The following UNC5C variants were observed in gnomAD, a reference collection of about 807,000 sequenced individuals.
UNC5C encodes netrin receptor UNC5C.
In UNC5C, 47 loss-of-function variants were observed where a neutral mutation model predicts 99.8. That is an observed-to-expected ratio of 0.47 (90% CI 0.37 to 0.60). The LOEUF (loss-of-function observed/expected upper bound fraction) is 0.60, where lower values mean the gene tolerates loss of function less well. Ranked by LOEUF, UNC5C falls within the 20% of genes least tolerant of loss-of-function variation. The probability of loss-of-function intolerance (pLI) is 0.00; values close to 1 mark genes in which losing one functional copy is unlikely to be tolerated. For missense variants in UNC5C, 1,062 were observed against 1,165.9 expected (o/e 0.91, Z 1.30); for synonymous variants, 487 against 452.2 (o/e 1.08, Z -0.98).
At chr4:95,278,470 C>T in intron 3 of UNC5C, 108 bp from the exon 4 acceptor site, 1 of 818,536 alleles carries the variant, frequency 1.2e-6, no homozygotes, top group Non-Finnish European at 1.9e-6. Flanking sequence ...GCTTTTTTTT[C>T]TTTCTTTTTT....
chr4:95,267,018 T>C (rs1017438009), intron 4 of UNC5C, among the ~76,000 whole-genome samples: 23 of 152,142 alleles, frequency 1.5e-4, no homozygotes, highest in Non-Finnish European at 1.5e-5. Context: ...GTATTTAGAG[T>C]GTATATAATG....
chr4:95,270,820 G>C (rs758304247), intron 4 of UNC5C, among the ~76,000 whole-genome samples: 3 of 152,316 alleles, frequency 2.0e-5, no homozygotes, highest in Non-Finnish European at 4.4e-5. Flanking sequence ...AACTTTTACA[G>C]GGCAAAAGGG....
At chr4:95,516,672 C>G (rs1440118584) in intron 1 of UNC5C, among the ~76,000 whole-genome samples, 1 of 152,118 alleles carries the variant, frequency 6.6e-6, no homozygotes, top group African/African-American at 2.4e-5. Context: ...CGAAGCTTTC[C>G]CAAGTCCTGC....
intron 7 of UNC5C, among the ~76,000 whole-genome samples, chr4:95,238,606 A>G (rs1739212963): frequency 6.6e-6 from 1 of 152,190 alleles, no homozygotes; most frequent in Admixed American, 6.5e-5. Context: ...AAGGTTTATG[A>G]GTAATAAATC....
chr4:95,493,329 A>G (rs1184777592), intron 1 of UNC5C, among the ~76,000 whole-genome samples: 2 of 151,372 alleles, frequency 1.3e-5, no homozygotes, highest in Non-Finnish European at 3.0e-5. Flanking sequence ...CTCTTTGGAA[A>G]ACTGGGAGCA....
intron 1 of UNC5C, among the ~76,000 whole-genome samples, chr4:95,452,275 A>G (rs1167427007): frequency 6.6e-6 from 1 of 152,078 alleles, no homozygotes; most frequent in Non-Finnish European, 1.5e-5. Context: ...AATCCCACAT[A>G]CTTCATTTTC....
At chr4:95,477,356 T>A (rs1025915221) in intron 1 of UNC5C, among the ~76,000 whole-genome samples, 3 of 151,986 alleles carry the variant, frequency 2.0e-5, no homozygotes, top group African/African-American at 7.2e-5. Flanking sequence ...ACTGAAGAGA[T>A]TTCTGATTTC....
At chr4:95,190,723 G>A (rs1407149525) in intron 12 of UNC5C, among the ~76,000 whole-genome samples, 1 of 152,108 alleles carries the variant, frequency 6.6e-6, no homozygotes, top group Non-Finnish European at 1.5e-5. Flanking sequence ...ATCTACACAC[G>A]CGAACCATCA....
chr4:95,543,317 A>G (rs1049941759), intron 1 of UNC5C, among the ~76,000 whole-genome samples: 74 of 152,190 alleles, frequency 4.9e-4, no homozygotes, highest in African/African-American at 1.7e-3. Context: ...CTCTTATTTT[A>G]TCTCAAAAGT....
intron 12 of UNC5C, among the ~76,000 whole-genome samples, chr4:95,192,938 T>C (rs755644169): frequency 1.5e-4 from 23 of 152,334 alleles, no homozygotes; most frequent in Middle Eastern, 6.8e-3. Context: ...TCCAACTACT[T>C]TTCTGTCTTT....
At chr4:95,434,724 C>G (rs551585026) in intron 1 of UNC5C, among the ~76,000 whole-genome samples, 2 of 152,142 alleles carry the variant, frequency 1.3e-5, no homozygotes, top group African/African-American at 4.8e-5. Context: ...AAAGCCATGA[C>G]TATATTATCT....
At chr4:95,479,139 C>T (rs529710619) in intron 1 of UNC5C, among the ~76,000 whole-genome samples, 16 of 152,136 alleles carry the variant, frequency 1.1e-4, no homozygotes, top group South Asian at 6.2e-4. Flanking sequence ...CAGACTAACA[C>T]AAGCATCTAC....
intron 14 of UNC5C, among the ~76,000 whole-genome samples, chr4:95,174,132 T>G (rs1037137829): frequency 6.6e-6 from 1 of 151,318 alleles, no homozygotes; most frequent in African/African-American, 2.4e-5. Flanking sequence ...TCTTCTCTCT[T>G]TTTTTCTTTA....
intron 1 of UNC5C, among the ~76,000 whole-genome samples, chr4:95,402,163 T>C (rs578224933): frequency 2.0e-5 from 3 of 152,256 alleles, no homozygotes; most frequent in Non-Finnish European, 4.4e-5. Flanking sequence ...TCTACCTACT[T>C]GTAATTTTTT....
In UNC5C at chr4:95,206,682, A is replaced by G. The variant is rs775203819; in HGVS notation, c.1848T>C (p.Asn616=). 11 of 1,613,826 alleles carry G rather than the reference A, an allele frequency of 6.8e-6. No individual in the cohort carries two copies. In the South Asian group the frequency reaches 8.8e-5, roughly 13 times the overall value. The change falls in exon 11 of 16, where the codon AAT becomes AAC. Residue 616 remains asparagine, a synonymous_variant. Coordinates refer to ENST00000453304, the MANE Select transcript of UNC5C (RefSeq NM_003728.4). ...VLTMHHCADP[N]TEDWKILLKN... is the part of the protein sequence containing the mutation. Reference sequence around the variant, plus strand: ...TGAGCAGTATTTTCCAGTCCTCGGTATTGGGGTCTGCGCAGTGATGCATAG... The same window carrying G: ...TGAGCAGTATTTTCCAGTCCTCGGTGTTGGGGTCTGCGCAGTGATGCATAG...
chr4:95,364,404 G>T (rs1292559062), intron 1 of UNC5C, among the ~76,000 whole-genome samples: 1 of 152,152 alleles, frequency 6.6e-6, no homozygotes, highest in African/African-American at 2.4e-5. Flanking sequence ...TTCAATATTT[G>T]GTGGAGGTAG....
chr4:95,172,180 T>G (rs1352671844), intron 14 of UNC5C, among the ~76,000 whole-genome samples: 4 of 150,370 alleles, frequency 2.7e-5, no homozygotes, highest in African/African-American at 9.8e-5. Context: ...TTTCTCCCAT[T>G]TTGTAGGTTG....
At chr4:95,259,919 C>G (rs143209814) in intron 4 of UNC5C, among the ~76,000 whole-genome samples, 1,646 of 152,188 alleles carry the variant, frequency 0.011, 20 homozygotes, top group Non-Finnish European at 0.017. Context: ...GTACTTCAAG[C>G]CAGTCTACTT....
chr4:95,245,392 G>A (rs892794329), intron 5 of UNC5C, among the ~76,000 whole-genome samples: 32 of 152,126 alleles, frequency 2.1e-4, no homozygotes, highest in Non-Finnish European at 4.7e-4. Context: ...AGGACTGTAT[G>A]TGTTCTCTTT....
Sources: allele counts gnomAD v4.1 joint callset (sites outside exome capture counted in the v4.1 genomes callset), GRCh38; gene constraint gnomAD v4.1.1; transcripts MANE v1.5; gene names NCBI Gene and HGNC (gene_info 2026-07-23, HGNC 2026-07-21).